The following PITPNA variants were observed in gnomAD, a reference collection of about 807,000 sequenced individuals.
PITPNA encodes the protein phosphatidylinositol transfer protein alpha isoform.
PITPNA carries 13 observed loss-of-function variants against 50.3 expected under a neutral mutation model. The ratio of observed to expected loss-of-function variants is 0.26; its 90% CI spans 0.17 to 0.41. The LOEUF is 0.41. Ranked by LOEUF, PITPNA falls within the 10% of genes least tolerant of loss-of-function variation. PITPNA has a pLI of 1.00. For synonymous variants in PITPNA, 120 were observed against 119.6 expected (o/e 1.00, Z -0.02); for missense variants, 207 against 333.4 (o/e 0.62, Z 2.95).
chr17:1,562,689 GC>G lies in PITPNA; in HGVS notation c.-130del, dbSNP rs2075774671. 11 of 533,370 alleles carry G rather than the reference GC, an allele frequency of 2.1e-5. No individual in the cohort carries two copies. The highest frequency in any genetic ancestry group is 2.7e-5 in the Non-Finnish European group (11 of 402,422). The allele number at this position is 533,370 out of a possible 1,614,324, so 33.0% of individuals were successfully genotyped here. A position where few individuals can be genotyped will look rare whatever the true frequency, so the allele number is the denominator to read the frequency against. The stretch of plus-strand genomic sequence containing the variant: ...CTTCGTCGTGCTCTGCTCCGTCCCC[GC>G]CGCCCTCGCCGCGGTCGCCGCGCCG... On this transcript the variant is annotated 5_prime_UTR_variant, in exon 1 of 12. Coordinates refer to ENST00000313486, the MANE Select transcript of PITPNA (RefSeq NM_006224.4). The surrounding 1 kb of genome is among the most constrained non-coding windows in gnomAD (Gnocchi z 6.4).
intron 2 of PITPNA, 95 bp from the exon 3 acceptor site, chr17:1,553,244 G>T (rs927205340): frequency 5.8e-6 from 8 of 1,384,562 alleles, no homozygotes; most frequent in Non-Finnish European, 7.0e-6. Context: ...GGATCTCCCT[G>T]GGGTCTCCTC....
chr17:1,518,190 G>A lies in PITPNA; in HGVS notation c.*2371C>T, dbSNP rs1025619591. 2.6e-5 allele frequency: 4 copies of A among 152,406 alleles called. No individual in the cohort carries two copies. The highest frequency in any genetic ancestry group is 5.9e-5 in the Non-Finnish European group (4 of 68,026). The allele number at this position is 152,406 out of a possible 1,614,324, so 9.4% of individuals were successfully genotyped here. ...CAGGGACTGTAAAAGAACTTGGGAA[G>A]CTATACACATGCCCACGATACTGAC... On this transcript the variant is annotated 3_prime_UTR_variant, in exon 12 of 12. Coordinates refer to ENST00000313486, the MANE Select transcript of PITPNA (RefSeq NM_006224.4).
At chr17:1,552,433 T>G (rs2075714398) in intron 3 of PITPNA, among the ~76,000 whole-genome samples, 1 of 152,238 alleles carries the variant, frequency 6.6e-6, no homozygotes, top group Non-Finnish European at 1.5e-5. Context: ...TTGTGTAGTT[T>G]GATATGGATT....
chr17:1,546,102 T>C (rs1233730746), intron 4 of PITPNA, among the ~76,000 whole-genome samples: 1 of 151,960 alleles, frequency 6.6e-6, no homozygotes, highest in African/African-American at 2.4e-5. Context: ...TAACTTTTTG[T>C]ATTTTTAGTA....
At chr17:1,527,814 C>T (rs1250325039) in intron 10 of PITPNA, among the ~76,000 whole-genome samples, 2 of 152,184 alleles carry the variant, frequency 1.3e-5, no homozygotes, top group Non-Finnish European at 2.9e-5. Context: ...GTAAAGGGTA[C>T]ATAGATCTTT....
At chr17:1,520,697 T>C (rs2075505512) in intron 11 of PITPNA, among the ~76,000 whole-genome samples, 159 bp from the exon 12 acceptor site, 2 of 152,110 alleles carry the variant, frequency 1.3e-5, no homozygotes, top group Admixed American at 6.5e-5. Flanking sequence ...ACTGAGAAGC[T>C]GGCATCACAG....
At chr17:1,542,988 T>A (rs1216686301) in intron 5 of PITPNA, 32 bp downstream of exon 5, 12 of 1,547,022 alleles carry the variant, frequency 7.8e-6, no homozygotes, top group Admixed American at 1.7e-5. Context: ...TTATACATCA[T>A]CTACAGTTCC....
intron 2 of PITPNA, among the ~76,000 whole-genome samples, chr17:1,558,157 C>G (rs540844423): frequency 2.0e-5 from 3 of 146,456 alleles, no homozygotes; most frequent in Non-Finnish European, 4.5e-5. Flanking sequence ...CTTGAACCCA[C>G]GAGGCAGAGG....
At chr17:1,539,996 C>T (rs1380217001) in intron 6 of PITPNA, among the ~76,000 whole-genome samples, 1 of 152,236 alleles carries the variant, frequency 6.6e-6, no homozygotes, top group African/African-American at 2.4e-5. Flanking sequence ...CTTGGCCTCC[C>T]GCCCAGCCCC....
chr17:1,558,769 A>ACCCCCCCCCCCCC lies in PITPNA; in HGVS notation c.21-211_21-210insGGGGGGGGGGGGG, dbSNP rs147366133. Among the ~76,000 whole-genome samples the ACCCCCCCCCCCCC allele has an allele frequency of 1.6e-3, 36 of 22,704 alleles. 1 individual carries two copies. The highest frequency in any genetic ancestry group is 2.9e-3 in the African/African-American group (12 of 4,108). 14.9% of individuals were successfully genotyped at this position (22,704 alleles called of 152,430 possible). On this transcript the variant is annotated intron_variant, in intron 1 of 11. Coordinates refer to ENST00000313486, the MANE Select transcript of PITPNA (RefSeq NM_006224.4). Reference sequence around the variant, plus strand: ...GTAAGACACTAAACTCTGTGACAACACCCCCCCCCCGCCCCCCCCCCCAGA... The same window carrying ACCCCCCCCCCCCC: ...GTAAGACACTAAACTCTGTGACAACACCCCCCCCCCCCCCCCCCCCCCCGCCCCCCCCCCCAGA...
Position 1,562,625 on chromosome 17 carries a change from C to T in PITPNA, c.-65G>A. On this transcript the variant is annotated 5_prime_UTR_variant, in exon 1 of 12. Transcript: ENST00000313486. This position sits in a 1 kb window ranked among gnomAD's most constrained non-coding sequence, Gnocchi z 6.4. ...CCTCCCGCCCGCTGCCCGCCGGCCGCTCTCCCCGTGGCCCGGCCCGGCCCG... is the reference window on the plus strand; with the variant it reads ...CCTCCCGCCCGCTGCCCGCCGGCCGTTCTCCCCGTGGCCCGGCCCGGCCCG... 2 of 1,159,296 alleles carry T rather than the reference C, an allele frequency of 1.7e-6. No homozygotes were observed. Among genetic ancestry groups the T allele is most frequent in the Non-Finnish European group, 2.1e-6 (2 of 930,632 alleles). The allele number at this position is 1,159,296 out of a possible 1,614,324, so 71.8% of individuals were successfully genotyped here.
chr17:1,539,061 T>C (rs1310102450), intron 6 of PITPNA, 109 bp from the exon 7 acceptor site: 4 of 654,864 alleles, frequency 6.1e-6, no homozygotes, highest in Non-Finnish European at 1.1e-5. Flanking sequence ...AGATGTAAGA[T>C]TCCTAATGAT....
intron 3 of PITPNA, among the ~76,000 whole-genome samples, chr17:1,551,120 C>T (rs1045230899): frequency 2.0e-4 from 30 of 150,270 alleles, no homozygotes; most frequent in African/African-American, 5.7e-4. Context: ...TGTTGCGGGG[C>T]GGAGTCAGCG....
chr17:1,549,181 C>CA (rs1395013415), intron 3 of PITPNA, among the ~76,000 whole-genome samples: 1 of 151,890 alleles, frequency 6.6e-6, no homozygotes, highest in Non-Finnish European at 1.5e-5. Flanking sequence ...GCTGGGATTA[C>CA]AGGCATGAGC....
intron 10 of PITPNA, among the ~76,000 whole-genome samples, chr17:1,531,839 T>G (rs563258852): frequency 6.6e-6 from 1 of 152,228 alleles, no homozygotes; most frequent in Admixed American, 6.5e-5. Flanking sequence ...AAACATATAT[T>G]TTTAGATAGA....
chr17:1,525,743 C>T (rs1376575714), intron 10 of PITPNA, among the ~76,000 whole-genome samples: 4 of 152,092 alleles, frequency 2.6e-5, no homozygotes, highest in Non-Finnish European at 5.9e-5. Flanking sequence ...GTCTTAAACT[C>T]CCAACCTCAG....
Position 1,525,542 on chromosome 17 carries a change from A to G in PITPNA, c.769-3897T>C, listed in dbSNP as rs557899399. Among the ~76,000 whole-genome samples the G allele has an allele frequency of 4.1e-5, 5 of 122,974 alleles. No homozygotes were observed. In the South Asian group the frequency reaches 7.1e-4, roughly 18 times the overall value. 80.7% of individuals were successfully genotyped at this position (122,974 alleles called of 152,430 possible). A position where few individuals can be genotyped will look rare whatever the true frequency, so the allele number is the denominator to read the frequency against. On this transcript the variant is annotated intron_variant, in intron 10 of 11. Coordinates refer to ENST00000313486, the MANE Select transcript of PITPNA (RefSeq NM_006224.4). ...TTTTTTTTTTTTGAGACAAGGTCTCACTCTGTCGCTCTGTCGCCCAGGCTA... is the reference window on the plus strand; with the variant it reads ...TTTTTTTTTTTTGAGACAAGGTCTCGCTCTGTCGCTCTGTCGCCCAGGCTA...
chr17:1,522,325 C>G (rs2075519936), intron 10 of PITPNA, among the ~76,000 whole-genome samples: 1 of 151,830 alleles, frequency 6.6e-6, no homozygotes, highest in Admixed American at 6.6e-5. Context: ...CCCGCCTCGG[C>G]CTCCCAAAGT....
intron 3 of PITPNA, among the ~76,000 whole-genome samples, chr17:1,552,461 T>C (rs1457663233): frequency 6.6e-6 from 1 of 152,160 alleles, no homozygotes; most frequent in Non-Finnish European, 1.5e-5. Context: ...ACAAATCAGT[T>C]CAAGCTTCAT....
Sources: gnomAD v4.1 joint callset for allele counts (sites outside exome capture counted in the v4.1 genomes callset) on GRCh38, gnomAD v4.1.1 for gene constraint, Gnocchi (gnomAD v3.1) non-coding constraint, MANE v1.5 for transcripts, NCBI Gene and HGNC (gene_info 2026-07-23, HGNC 2026-07-21) for gene names.